The following MTFR1 variants were observed in gnomAD, a reference collection of about 807,000 sequenced individuals.
The protein encoded by MTFR1 is mitochondrial fission regulator 1.
In MTFR1, 28 loss-of-function variants were observed where a neutral mutation model predicts 38.8. The ratio of observed to expected loss-of-function variants is 0.72; its 90% CI spans 0.53 to 0.99. The LOEUF is 0.99. Among genes scored for constraint, MTFR1 ranks in the 50% least tolerant of loss-of-function variants. MTFR1 has a pLI of 0.00. For missense variants in MTFR1, 358 were observed against 395.5 expected (o/e 0.91, Z 0.81); for synonymous variants, 145 against 137.0 (o/e 1.06, Z -0.41).
intron 2 of MTFR1, among the ~76,000 whole-genome samples, chr8:65,678,810 A>G (rs1804792739): frequency 1.3e-5 from 2 of 152,016 alleles, no homozygotes; most frequent in Admixed American, 6.6e-5. Flanking sequence ...GCTGTAACCC[A>G]GGAGATGGAA....
chr8:65,762,355 G>A (rs1585888313), intron 3 of MTFR1, among the ~76,000 whole-genome samples: 1 of 152,306 alleles, frequency 6.6e-6, no homozygotes, highest in African/African-American at 2.4e-5. Context: ...TAGCATGCAT[G>A]AATGAATAGG....
In MTFR1 at chr8:65,707,069, C is replaced by A; in HGVS notation, c.577C>A (p.Pro193Thr). The A allele has an allele frequency of 6.2e-7, 1 of 1,612,780 alleles. No individual in the cohort carries two copies. Among genetic ancestry groups the A allele is most frequent in the East Asian group, 2.2e-5 (1 of 44,814 alleles). ...IPPHPPPPPP[P>T]LPPPALGLHQ... ...ACCACACCCTCCACCTCCCCCACCG[C>A]CCCTGCCTCCCCCTGCACTGGGGCT... is the stretch of plus-strand genomic sequence containing the variant. The change falls in exon 6 of 8, where the codon CCC becomes ACC. Residue 193 changes from proline to threonine, a missense_variant. Physicochemically the swap from Pro to Thr is conservative, Grantham distance 38. Coordinates refer to ENST00000262146, the MANE Select transcript of MTFR1 (RefSeq NM_014637.4).
intron 3 of MTFR1, among the ~76,000 whole-genome samples, chr8:65,733,945 G>C (rs950017043): frequency 1.3e-5 from 2 of 152,144 alleles, no homozygotes; most frequent in Non-Finnish European, 2.9e-5. Flanking sequence ...CATAATTGCA[G>C]AACTGCCAGG....
intron 3 of MTFR1, among the ~76,000 whole-genome samples, chr8:65,738,776 C>A (rs1233798360): frequency 2.0e-5 from 3 of 152,164 alleles, no homozygotes; most frequent in Non-Finnish European, 4.4e-5. Flanking sequence ...TTCTAGGGGT[C>A]AGAAAAAGAA....
At chr8:65,768,201 A>G (rs2128918813) in intron 3 of MTFR1, among the ~76,000 whole-genome samples, 1 of 152,334 alleles carries the variant, frequency 6.6e-6, no homozygotes, top group Admixed American at 6.5e-5. Flanking sequence ...CTACACAGTG[A>G]GCATCCACAA....
chr8:65,700,367 GA>G (rs998593291), intron 4 of MTFR1, among the ~76,000 whole-genome samples: 1 of 135,806 alleles, frequency 7.4e-6, no homozygotes, highest in African/African-American at 3.0e-5. Context: ...AAAAAAAAAA[GA>G]AAAAAGAAAA....
intron 1 of MTFR1, among the ~76,000 whole-genome samples, chr8:65,658,652 A>G (rs1480030969): frequency 6.6e-6 from 1 of 152,198 alleles, no homozygotes; most frequent in Non-Finnish European, 1.5e-5. Flanking sequence ...ATTGATTCAT[A>G]AGGAACCTAG....
chr8:65,723,619 C>G, intron 3 of MTFR1: 1 of 1,549,234 alleles, frequency 6.5e-7, no homozygotes, highest in Non-Finnish European at 8.7e-7. Flanking sequence ...TTTTCTATAT[C>G]TCCTATAAAT....
chr8:65,719,313 G>GT (rs1192516819), intron 2 of MTFR1: 1 of 1,613,726 alleles, frequency 6.2e-7, no homozygotes, highest in Admixed American at 1.7e-5. Flanking sequence ...TTTTCCTGAG[G>GT]TAATAACTGT....
At chr8:65,724,579 C>T (rs1354291174) in intron 3 of MTFR1, among the ~76,000 whole-genome samples, 5 of 152,088 alleles carry the variant, frequency 3.3e-5, no homozygotes, top group South Asian at 4.1e-4. Flanking sequence ...ATGAAAAACA[C>T]GTAAGCAATG....
At chr8:65,691,740 C>G (rs1236125002) in intron 3 of MTFR1, among the ~76,000 whole-genome samples, 1 of 152,140 alleles carries the variant, frequency 6.6e-6, no homozygotes, top group African/African-American at 2.4e-5. Flanking sequence ...ACCTCTACCT[C>G]CCATGTTGAA....
intron 3 of MTFR1, among the ~76,000 whole-genome samples, chr8:65,746,146 C>A (rs1394035814): frequency 2.7e-5 from 4 of 149,820 alleles, no homozygotes; most frequent in Non-Finnish European, 4.4e-5. Flanking sequence ...CTGCCCAGGG[C>A]TGGTTTCAAA....
At chr8:65,759,675 C>T (rs1429347985) in intron 3 of MTFR1, among the ~76,000 whole-genome samples, 3 of 152,164 alleles carry the variant, frequency 2.0e-5, no homozygotes, top group Non-Finnish European at 4.4e-5. Context: ...GGTTCTTACT[C>T]TGTCATTTTG....
At chr8:65,717,710 A>C (rs1033533335) in intron 2 of MTFR1, 1 of 152,248 alleles carries the variant, frequency 6.6e-6, no homozygotes, top group Non-Finnish European at 1.5e-5. Context: ...TTATTCATCA[A>C]AAGTTAACAG....
chr8:65,717,369 A>G (rs1484144806), intron 2 of MTFR1: 2 of 152,376 alleles, frequency 1.3e-5, no homozygotes, highest in Admixed American at 1.3e-4. Flanking sequence ...AAAAAGGCCA[A>G]TGATTGATAG....
In MTFR1 at chr8:65,704,912, A is replaced by G; in HGVS notation, c.500A>G (p.Gln167Arg). 1 of 1,594,698 alleles carries G rather than the reference A, an allele frequency of 6.3e-7. No individual in the cohort carries two copies. The highest frequency in any genetic ancestry group is 8.6e-7 in the Non-Finnish European group (1 of 1,168,256). ...QIAKIVTQQE[Q>R]QNLTAGDLDS... The stretch of plus-strand genomic sequence containing the variant: ...GCCAAAATTGTGACCCAGCAGGAGC[A>G]GCAAAATCTCACTGCAGGTCTGTAA... Residue 167 changes from glutamine (Q) to arginine (R), a missense_variant, in exon 5 of 8, where the codon CAG (glutamine) becomes CGG (arginine). By Grantham distance (43) the Gln-to-Arg change is conservative. Transcript: ENST00000262146.
intron 1 of MTFR1, among the ~76,000 whole-genome samples, chr8:65,661,512 C>T (rs117874107): frequency 0.018 from 2,807 of 152,112 alleles, 26 homozygotes; most frequent in African/African-American, 0.025. Flanking sequence ...TGGTGCATGC[C>T]TGTAATACCA....
chr8:65,767,360 T>C (rs1195613048), intron 3 of MTFR1, among the ~76,000 whole-genome samples: 1 of 152,276 alleles, frequency 6.6e-6, no homozygotes, highest in Non-Finnish European at 1.5e-5. Context: ...ACAGTCCTTC[T>C]ATCAGGTTGA....
chr8:65,753,774 G>T (rs537925184), intron 3 of MTFR1, among the ~76,000 whole-genome samples: 4 of 152,116 alleles, frequency 2.6e-5, no homozygotes, highest in African/African-American at 9.6e-5. Context: ...GTCAAATTTT[G>T]CTTCATATAT....
Sources: allele counts gnomAD v4.1 joint callset (sites outside exome capture counted in the v4.1 genomes callset), GRCh38; gene constraint gnomAD v4.1.1; transcripts MANE v1.5; gene names NCBI Gene and HGNC (gene_info 2026-07-23, HGNC 2026-07-21).